The following MYT1L variants were observed in gnomAD, a reference collection of about 807,000 sequenced individuals.
The protein encoded by MYT1L is myelin transcription factor 1 like, also known as myelin transcription factor 1-like protein.
In MYT1L, 12 loss-of-function variants were observed where a neutral mutation model predicts 126.7. That is an observed-to-expected ratio of 0.09 (90% CI 0.06 to 0.15). The LOEUF (loss-of-function observed/expected upper bound fraction) is 0.15, where lower values mean the gene tolerates loss of function less well. MYT1L is among the 10% of genes least tolerant of loss of function. The probability of loss-of-function intolerance (pLI) is 1.00; values close to 1 mark genes in which losing one functional copy is unlikely to be tolerated. For synonymous variants in MYT1L, 541 were observed against 604.2 expected, an observed-to-expected ratio of 0.90 and a Z score of 1.53; for missense variants, 979 against 1,585.2, an observed-to-expected ratio of 0.62 and a Z score of 6.49.
chr2:2,008,345 C>G (rs1489341520), intron 4 of MYT1L, among the ~76,000 whole-genome samples: 1 of 152,224 alleles, frequency 6.6e-6, no homozygotes, highest in Non-Finnish European at 1.5e-5. Context: ...TGGTTTACTG[C>G]AATGCCCTGG....
At chr2:2,205,904 G>A (rs1236828248) in intron 2 of MYT1L, among the ~76,000 whole-genome samples, 1 of 151,880 alleles carries the variant, frequency 6.6e-6, no homozygotes, top group Non-Finnish European at 1.5e-5. Context: ...CTCACATAAC[G>A]TTTTACATTA....
At chr2:2,131,308 TCAAA>T in intron 3 of MYT1L, among the ~76,000 whole-genome samples, 1 of 152,160 alleles carries the variant, frequency 6.6e-6, no homozygotes, top group Non-Finnish European at 1.5e-5. Context: ...TGCGCATAAA[TCAAA>T]CAGCCTATGA....
intron 2 of MYT1L, among the ~76,000 whole-genome samples, chr2:2,220,207 A>G (rs973283641): frequency 6.6e-6 from 1 of 152,218 alleles, no homozygotes; most frequent in African/African-American, 2.4e-5. Flanking sequence ...ACATGTGCCC[A>G]AGGTGGTCGG....
At chr2:2,051,386 A>T (rs896236275) in intron 4 of MYT1L, among the ~76,000 whole-genome samples, 1 of 152,118 alleles carries the variant, frequency 6.6e-6, no homozygotes, top group African/African-American at 2.4e-5. Flanking sequence ...GCTCCTAGTT[A>T]AGATCTCTTC....
At position 1,840,743 on chromosome 2, in the gene MYT1L, C is replaced by T. The variant is rs779704742; in HGVS notation, c.2858+17G>A. The T allele has an allele frequency of 3.3e-6, 5 of 1,538,334 alleles. No individual in the cohort carries two copies. In the South Asian group the frequency reaches 4.8e-5, roughly 15 times the overall value. ...TGGCAGCCCTGCTATGGTTCTCAGCCCCACTGGTGCTCATACCTGATGGGT... is the reference window on the plus strand; with the variant it reads ...TGGCAGCCCTGCTATGGTTCTCAGCTCCACTGGTGCTCATACCTGATGGGT... On this transcript the variant is annotated intron_variant, in intron 20 of 24. Transcript: ENST00000647738.
In MYT1L at chr2:1,839,227, T is replaced by G; in HGVS notation, c.3002A>C (p.Lys1001Thr). The G allele has an allele frequency of 1.2e-6, 2 of 1,613,686 alleles. No homozygotes were observed. Among genetic ancestry groups the G allele is most frequent in the Non-Finnish European group, 1.7e-6 (2 of 1,179,884 alleles). ...NGSQFSWKSV[K>T]TEGMSCPTPG... The stretch of plus-strand genomic sequence containing the variant: ...CGTGGGGCAGGACATGCCTTCCGTC[T>G]TGACCGACTTCCAGGAGAACTGGGA... The change falls in exon 21 of 25, where the codon AAG becomes ACG. Residue 1001 changes from lysine (K) to threonine (T), a missense_variant. Lys to Thr is a moderately conservative substitution (Grantham distance 78). This residue lies in a region of MYT1L where 179 missense variants were observed against 398.6 expected (regional missense o/e 0.45). Coordinates refer to ENST00000647738, the MANE Select transcript of MYT1L (RefSeq NM_001303052.2).
chr2:1,853,360 C>T (rs1483754579), intron 18 of MYT1L, among the ~76,000 whole-genome samples: 1 of 152,180 alleles, frequency 6.6e-6, no homozygotes, highest in East Asian at 1.9e-4. Flanking sequence ...ACTCCAAATC[C>T]AATTGTTAGA....
At chr2:2,129,830 C>T (rs111702659) in intron 3 of MYT1L, among the ~76,000 whole-genome samples, 8 of 150,230 alleles carry the variant, frequency 5.3e-5, no homozygotes, top group East Asian at 4.0e-4. Flanking sequence ...GGCGTGAACC[C>T]GGGAGGCGGA....
intron 3 of MYT1L, among the ~76,000 whole-genome samples, chr2:2,163,554 T>A (rs1380590390): frequency 2.0e-5 from 3 of 149,418 alleles, no homozygotes; most frequent in Admixed American, 2.0e-4. Flanking sequence ...TGAAACCCCA[T>A]CTCTAATAAA....
chr2:2,269,767 T>C (rs1223088097), intron 2 of MYT1L, among the ~76,000 whole-genome samples: 3 of 152,178 alleles, frequency 2.0e-5, no homozygotes, highest in Non-Finnish European at 4.4e-5. Flanking sequence ...TATAGTGCCT[T>C]CTGCCTGAAC....
chr2:2,232,924 C>T (rs2094194494), intron 2 of MYT1L, among the ~76,000 whole-genome samples: 1 of 152,132 alleles, frequency 6.6e-6, no homozygotes, highest in Non-Finnish European at 1.5e-5. Flanking sequence ...AGTTGTATTT[C>T]TTATCACTCT....
chr2:2,003,876 TC>T (rs1423899994), intron 4 of MYT1L, among the ~76,000 whole-genome samples: 2 of 152,224 alleles, frequency 1.3e-5, no homozygotes, highest in Non-Finnish European at 2.9e-5. Flanking sequence ...GCACCATGCT[TC>T]CTTTTCCATC....
At chr2:1,859,291 CCTTT>C (rs2044281315) in intron 18 of MYT1L, among the ~76,000 whole-genome samples, 1 of 152,128 alleles carries the variant, frequency 6.6e-6, no homozygotes, top group Non-Finnish European at 1.5e-5. Context: ...ACAAAAAACA[CCTTT>C]CTTTCTTTTG....
chr2:1,933,405 C>T (rs776718780), intron 9 of MYT1L, among the ~76,000 whole-genome samples: 32 of 152,252 alleles, frequency 2.1e-4, no homozygotes, highest in Admixed American at 5.9e-4. Flanking sequence ...CAGAAAAAAA[C>T]GCAGAGGGGT....
chr2:2,272,086 C>A (rs781243867), intron 2 of MYT1L, among the ~76,000 whole-genome samples: 1 of 152,226 alleles, frequency 6.6e-6, no homozygotes, highest in Non-Finnish European at 1.5e-5. Flanking sequence ...TGCCCTCCTG[C>A]CCTGCCTGAA....
chr2:2,322,269 A>G (rs185717324), intron 1 of MYT1L, among the ~76,000 whole-genome samples: 57 of 152,024 alleles, frequency 3.7e-4, no homozygotes, highest in African/African-American at 1.3e-3. Flanking sequence ...CACACTGTCC[A>G]ATGTTGCCTA....
rs936394261 is a variant in MYT1L, at chr2:2,228,975, T to C, written c.-421+55429A>G. 5.3e-5 allele frequency among the ~76,000 whole-genome samples: 8 copies of C among 152,098 alleles called. No individual in the cohort carries two copies. The highest frequency in any genetic ancestry group is 1.4e-4 in the African/African-American group (6 of 41,428). On this transcript the variant is annotated intron_variant, in intron 2 of 24. Coordinates refer to ENST00000647738, the MANE Select transcript of MYT1L (RefSeq NM_001303052.2). The surrounding 1 kb of genome is among the most constrained non-coding windows in gnomAD (Gnocchi z 5.9). ...TGAAACACGGGGGTCTTCCAACGTA[T>C]CCAGCTGAGCTCCTGGCTCCGATTT...
chr2:2,174,537 G>C lies in MYT1L; in HGVS notation c.-420-1549C>G, dbSNP rs370704278. On this transcript the variant is annotated intron_variant, in intron 2 of 24. Transcript: ENST00000647738. ...TTCAGACCCACGTCCTTGTGAGACA[G>C]AGACAGACGTGACAGCGCATGTGGA... Among the ~76,000 whole-genome samples the C allele has an allele frequency of 5.0e-4, 76 of 152,306 alleles. 1 individual carries two copies. Among genetic ancestry groups the C allele is most frequent in the African/African-American group, 1.5e-3 (64 of 41,578 alleles).
intron 3 of MYT1L, among the ~76,000 whole-genome samples, chr2:2,148,853 T>C (rs920389828): frequency 1.3e-5 from 2 of 152,196 alleles, no homozygotes; most frequent in Non-Finnish European, 2.9e-5. Context: ...TATTTTATTA[T>C]GGAATTCTTC....
Sources: allele counts gnomAD v4.1 joint callset (sites outside exome capture counted in the v4.1 genomes callset), GRCh38; gene constraint gnomAD v4.1.1; regional missense constraint gnomAD v4.1.1; non-coding constraint Gnocchi (gnomAD v3.1); transcripts MANE v1.5; gene names NCBI Gene and HGNC (gene_info 2026-07-23, HGNC 2026-07-21).